Variants in FAF1 observed in about 807,000 individuals in gnomAD.
FAF1 encodes the protein FAS-associated factor 1.
Under a neutral mutation model 92.5 loss-of-function variants are expected in FAF1, and 25 were observed. The observed-to-expected ratio is 0.27, with a 90% CI of 0.20 to 0.38. The LOEUF is 0.38. Among genes scored for constraint, FAF1 ranks in the 10% least tolerant of loss-of-function variants. FAF1 has a pLI of 1.00. For missense variants in FAF1, 636 were observed against 793.3 expected, an observed-to-expected ratio of 0.80 and a Z score of 2.38; for synonymous variants, 234 against 273.2, an observed-to-expected ratio of 0.86 and a Z score of 1.42.
At chr1:50,549,141 T>C (rs1649170493) in intron 13 of FAF1, among the ~76,000 whole-genome samples, 1 of 152,180 alleles carries the variant, frequency 6.6e-6, no homozygotes, top group African/African-American at 2.4e-5. Flanking sequence ...CACTGTATTA[T>C]ACTGCTGCAT....
intron 16 of FAF1, among the ~76,000 whole-genome samples, chr1:50,491,252 G>C (rs1646835781): frequency 6.6e-6 from 1 of 152,138 alleles, no homozygotes; most frequent in Admixed American, 6.5e-5. Context: ...TAGGATTCTT[G>C]GCTTATGTTA....
At chr1:50,815,402 C>CT (rs1461457713) in intron 2 of FAF1, among the ~76,000 whole-genome samples, 5 of 152,164 alleles carry the variant, frequency 3.3e-5, no homozygotes, top group Admixed American at 6.5e-5. Context: ...TAATTTCATT[C>CT]TTTTTTATGG....
chr1:50,639,379 G>A (rs1654212523), intron 8 of FAF1, among the ~76,000 whole-genome samples: 1 of 152,178 alleles, frequency 6.6e-6, no homozygotes, highest in African/African-American at 2.4e-5. Context: ...TTCCAGAGTG[G>A]CTATACTACT....
intron 15 of FAF1, among the ~76,000 whole-genome samples, chr1:50,519,024 A>T (rs891082251): frequency 3.3e-5 from 5 of 152,150 alleles, no homozygotes; most frequent in African/African-American, 1.2e-4. Context: ...TAATTCCAAA[A>T]GCAAATCTAT....
chr1:50,868,534 G>C (rs1299287978), intron 1 of FAF1, among the ~76,000 whole-genome samples: 3 of 151,984 alleles, frequency 2.0e-5, no homozygotes, highest in African/African-American at 7.3e-5. Flanking sequence ...TCTAATGTAA[G>C]CATTTATAGC....
At chr1:50,953,815 A>C (rs1300713627) in intron 1 of FAF1, among the ~76,000 whole-genome samples, 1 of 152,224 alleles carries the variant, frequency 6.6e-6, no homozygotes, top group Non-Finnish European at 1.5e-5. Flanking sequence ...TGAAAAGACT[A>C]GGGGTGAAAA....
At chr1:50,938,603 T>C (rs1230525360) in intron 1 of FAF1, among the ~76,000 whole-genome samples, 1 of 152,254 alleles carries the variant, frequency 6.6e-6, no homozygotes, top group Non-Finnish European at 1.5e-5. Context: ...TGTCAATTTT[T>C]GTTTTGGTTG....
intron 1 of FAF1, among the ~76,000 whole-genome samples, chr1:50,924,282 G>A (rs200470934): frequency 7.0e-6 from 1 of 141,944 alleles, no homozygotes; most frequent in Non-Finnish European, 1.5e-5. Context: ...GGAACAATTT[G>A]AAAAAAAAAA....
rs147647466 is a variant in FAF1, at chr1:50,885,295, T to TTCTCTC, written c.46-27304_46-27299dup. On this transcript the variant is annotated intron_variant, in intron 1 of 18. Coordinates refer to ENST00000396153, the MANE Select transcript of FAF1 (RefSeq NM_007051.3). Reference sequence around the variant, plus strand: ...GGTTTCCCATTCTCTCCGTGTCTCTTTCTCTCTCTCTCTCTCTCACACACA... The same window carrying TTCTCTC: ...GGTTTCCCATTCTCTCCGTGTCTCTTTCTCTCTCTCTCTCTCTCTCTCTCACACACA... Among the ~76,000 whole-genome samples, 195 of 137,202 alleles carry TTCTCTC rather than the reference T, an allele frequency of 1.4e-3. 4 individuals are homozygous for TTCTCTC. The highest frequency in any genetic ancestry group is 8.0e-3 in the South Asian group (36 of 4,506). 90.0% of individuals were successfully genotyped at this position (137,202 alleles called of 152,430 possible). A position where few individuals can be genotyped will look rare whatever the true frequency, so the allele number is the denominator to read the frequency against.
At chr1:50,836,170 G>GTTTTTTGTTT (rs1553144966) in intron 2 of FAF1, among the ~76,000 whole-genome samples, 1 of 98,526 alleles carries the variant, frequency 1.0e-5, no homozygotes, top group Admixed American at 1.1e-4. Context: ...TTTTGTTTCT[G>GTTTTTTGTTT]TTTTTTTTTT....
At chr1:50,487,713 C>G (rs1646784183) in intron 17 of FAF1, among the ~76,000 whole-genome samples, 1 of 152,142 alleles carries the variant, frequency 6.6e-6, no homozygotes, top group African/African-American at 2.4e-5. Flanking sequence ...TTTTACTGTT[C>G]AATACTTCTT....
At chr1:50,656,837 C>T (rs564360060) in intron 7 of FAF1, among the ~76,000 whole-genome samples, 20 of 152,156 alleles carry the variant, frequency 1.3e-4, no homozygotes, top group Admixed American at 7.9e-4. Flanking sequence ...GAGCTGAGAT[C>T]GTGCCACTGC....
In FAF1 at chr1:50,739,394, T is replaced by TACA. The variant is rs1557502937; in HGVS notation, c.460-441_460-440insTGT. On this transcript the variant is annotated intron_variant, in intron 5 of 18. Transcript: ENST00000396153. The stretch of plus-strand genomic sequence containing the variant: ...TACATACATATACATATATGTGTGT[T>TACA]TATGTGTATGTGTATACATGTGAGT... 1.4e-3 allele frequency among the ~76,000 whole-genome samples: 178 copies of TACA among 126,790 alleles called. 1 individual carries two copies. Among genetic ancestry groups the TACA allele is most frequent in the African/African-American group, 5.6e-3 (175 of 31,222 alleles). The allele number at this position is 126,790 out of a possible 152,430, so 83.2% of individuals were successfully genotyped here. A position where few individuals can be genotyped will look rare whatever the true frequency, so the allele number is the denominator to read the frequency against.
chr1:50,784,408 A>G (rs1661291707), intron 4 of FAF1, among the ~76,000 whole-genome samples: 1 of 152,180 alleles, frequency 6.6e-6, no homozygotes, highest in African/African-American at 2.4e-5. Context: ...ACACTGAACA[A>G]TCTGAAAAGA....
chr1:50,639,700 C>G (rs1237431327), intron 8 of FAF1, among the ~76,000 whole-genome samples: 1 of 151,978 alleles, frequency 6.6e-6, no homozygotes. Flanking sequence ...CTTTGGGAGG[C>G]CAAGGCGGGT....
At chr1:50,895,054 G>A (rs1341778266) in intron 1 of FAF1, among the ~76,000 whole-genome samples, 1 of 151,730 alleles carries the variant, frequency 6.6e-6, no homozygotes, top group Non-Finnish European at 1.5e-5. Flanking sequence ...AAATGCAATT[G>A]AAACAAATAA....
Position 50,475,338 on chromosome 1 carries a change from A to G in FAF1, c.1869+126T>C. 4.2e-6 allele frequency: 3 copies of G among 712,838 alleles called. No individual in the cohort carries two copies. The South Asian group carries it at 5.5e-5, about 13-fold the overall frequency. The allele number at this position is 712,838 out of a possible 1,614,324, so 44.2% of individuals were successfully genotyped here. A position where few individuals can be genotyped will look rare whatever the true frequency, so the allele number is the denominator to read the frequency against. ...AAGGAGAGAATGGTGTGCAGAACAA[A>G]GAAGGACTCCTGTTTGTCTTGTAGT... is the stretch of plus-strand genomic sequence containing the variant. On this transcript the variant is annotated intron_variant, in intron 18 of 18. Coordinates refer to ENST00000396153, the MANE Select transcript of FAF1 (RefSeq NM_007051.3).
intron 8 of FAF1, among the ~76,000 whole-genome samples, chr1:50,641,150 A>G (rs772509361): frequency 1.3e-5 from 2 of 152,026 alleles, no homozygotes; most frequent in Non-Finnish European, 2.9e-5. Flanking sequence ...CTTTTCAAAG[A>G]GTCAGCATTT....
chr1:50,892,366 G>A (rs371008493), intron 1 of FAF1, among the ~76,000 whole-genome samples: 19 of 152,124 alleles, frequency 1.2e-4, no homozygotes, highest in Admixed American at 4.6e-4. Context: ...CCCACTGTCC[G>A]ACAAGCCCCA....
Sources: allele counts gnomAD v4.1 joint callset (sites outside exome capture counted in the v4.1 genomes callset), GRCh38; gene constraint gnomAD v4.1.1; transcripts MANE v1.5; gene names NCBI Gene and HGNC (gene_info 2026-07-23, HGNC 2026-07-21).